RALYL: variants seen among roughly 807,000 people sequenced by gnomAD.
RALYL encodes RALY RNA binding protein like.
In RALYL, 29 loss-of-function variants were observed where a neutral mutation model predicts 35.1. The observed-to-expected ratio is 0.83, with a 90% confidence interval of 0.61 to 1.13. The LOEUF (loss-of-function observed/expected upper bound fraction) is 1.13, where lower values mean the gene tolerates loss of function less well. Ranked by LOEUF, RALYL falls within the 50% of genes most tolerant of loss-of-function variation. The pLI is 0.00. For synonymous variants in RALYL, 120 were observed against 127.6 expected (o/e 0.94, Z 0.40); for missense variants, 359 against 360.4 (o/e 1.00, Z 0.03).
intron 1 of RALYL, among the ~76,000 whole-genome samples, chr8:84,223,837 C>T (rs1205333174): frequency 2.0e-5 from 3 of 152,114 alleles, no homozygotes; most frequent in Admixed American, 2.0e-4. Flanking sequence ...TTAAAGTCAA[C>T]ATGATCAAGA....
At chr8:84,503,718 A>G (rs1164680033) in intron 1 of RALYL, among the ~76,000 whole-genome samples, 2 of 151,798 alleles carry the variant, frequency 1.3e-5, no homozygotes, top group African/African-American at 4.8e-5. Flanking sequence ...GCGTGGTGGC[A>G]GGTGCCTATA....
intron 1 of RALYL, among the ~76,000 whole-genome samples, chr8:84,468,881 C>A (rs567590348): frequency 6.6e-6 from 1 of 152,070 alleles, no homozygotes; most frequent in South Asian, 2.1e-4. Flanking sequence ...CTTCTCGCTT[C>A]ATTTCATTCA....
At chr8:84,323,936 G>GC (rs1186754021) in intron 1 of RALYL, among the ~76,000 whole-genome samples, 6 of 152,044 alleles carry the variant, frequency 3.9e-5, no homozygotes, top group African/African-American at 1.4e-4. Context: ...CGTCACTACA[G>GC]CAGTTATATA....
chr8:84,778,771 C>T (rs2634069), intron 3 of RALYL, among the ~76,000 whole-genome samples: 34,836 of 152,066 alleles, frequency 0.23, 4,228 homozygotes, highest in Non-Finnish European at 0.25. Flanking sequence ...ACCACTTAAA[C>T]ATGGTGACTG....
intron 1 of RALYL, among the ~76,000 whole-genome samples, chr8:84,195,360 A>G (rs1815000175): frequency 1.3e-5 from 2 of 152,240 alleles, no homozygotes; most frequent in South Asian, 4.1e-4. Context: ...GAATTGTTTG[A>G]ACCTGGGAGG....
At chr8:84,605,023 T>C (rs1291079174) in intron 2 of RALYL, among the ~76,000 whole-genome samples, 1 of 152,144 alleles carries the variant, frequency 6.6e-6, no homozygotes, top group African/African-American at 2.4e-5. Flanking sequence ...TCCTAAAATC[T>C]AGTTCTCCCA....
intron 1 of RALYL, among the ~76,000 whole-genome samples, chr8:84,443,045 G>A (rs1381733993): frequency 1.3e-5 from 2 of 152,090 alleles, no homozygotes; most frequent in African/African-American, 4.8e-5. Context: ...AAGCTAAGAA[G>A]GCTGTGGCCA....
At chr8:84,308,225 T>A (rs1182160479) in intron 1 of RALYL, among the ~76,000 whole-genome samples, 1 of 151,920 alleles carries the variant, frequency 6.6e-6, no homozygotes, top group Non-Finnish European at 1.5e-5. Context: ...AATAATAAAA[T>A]GTAGCCATGT....
chr8:84,763,319 G>A (rs766727133), intron 2 of RALYL, among the ~76,000 whole-genome samples: 3 of 152,116 alleles, frequency 2.0e-5, no homozygotes, highest in Non-Finnish European at 4.4e-5. Context: ...TGATGATCCC[G>A]ACTTTCTGTT....
chr8:84,270,143 G>A (rs2131927328), intron 1 of RALYL, among the ~76,000 whole-genome samples: 1 of 152,270 alleles, frequency 6.6e-6, no homozygotes, highest in South Asian at 2.1e-4. Flanking sequence ...TTACAGCCCA[G>A]TTCTTAACAA....
chr8:84,423,881 A>T (rs1306281823), intron 1 of RALYL, among the ~76,000 whole-genome samples: 1 of 149,168 alleles, frequency 6.7e-6, no homozygotes, highest in Non-Finnish European at 1.5e-5. Flanking sequence ...ATTGGCCCCC[A>T]CTCTCTTCTG....
chr8:84,566,273 CA>C (rs1428613515), intron 2 of RALYL, among the ~76,000 whole-genome samples: 1 of 151,002 alleles, frequency 6.6e-6, no homozygotes, highest in Non-Finnish European at 1.5e-5. Flanking sequence ...TATACTGGAA[CA>C]AAAAAATGAC....
intron 1 of RALYL, among the ~76,000 whole-genome samples, chr8:84,521,615 T>C (rs2058465747): frequency 6.6e-6 from 1 of 152,214 alleles, no homozygotes; most frequent in Non-Finnish European, 1.5e-5. Flanking sequence ...AGAGATAGTT[T>C]ACCACTTATT....
At chr8:84,741,428 G>T (rs1240819749) in intron 2 of RALYL, among the ~76,000 whole-genome samples, 1 of 152,066 alleles carries the variant, frequency 6.6e-6, no homozygotes, top group Non-Finnish European at 1.5e-5. Context: ...GGCCCTGGAG[G>T]TTGGGAAGTC....
intron 1 of RALYL, among the ~76,000 whole-genome samples, chr8:84,490,881 A>G (rs2055213174): frequency 6.6e-6 from 1 of 151,742 alleles, no homozygotes; most frequent in South Asian, 2.1e-4. Flanking sequence ...ATGTGATTTA[A>G]ATTTATATTC....
chr8:84,484,382 T>C (rs993154264), intron 1 of RALYL, among the ~76,000 whole-genome samples: 2 of 152,078 alleles, frequency 1.3e-5, no homozygotes, highest in Non-Finnish European at 2.9e-5. Flanking sequence ...GACAGAGATA[T>C]ATTTTAAATG....
At chr8:84,356,888 A>T (rs775761553) in intron 1 of RALYL, among the ~76,000 whole-genome samples, 3,441 of 150,238 alleles carry the variant, frequency 0.023, 189 homozygotes, top group African/African-American at 0.032. Flanking sequence ...GCAAATATAT[A>T]TATAGAATAA....
intron 1 of RALYL, among the ~76,000 whole-genome samples, chr8:84,412,249 T>C (rs1411619566): frequency 6.6e-6 from 1 of 151,948 alleles, no homozygotes; most frequent in Non-Finnish European, 1.5e-5. Context: ...TGTCAGGTTA[T>C]CAGAGGGGAT....
chr8:84,197,415 A>C (rs757930108), intron 1 of RALYL, among the ~76,000 whole-genome samples: 1 of 152,206 alleles, frequency 6.6e-6, no homozygotes, highest in Non-Finnish European at 1.5e-5. Context: ...TTTCATACAA[A>C]GAAGATAATC....
Sources: allele counts gnomAD v4.1 joint callset (sites outside exome capture counted in the v4.1 genomes callset), GRCh38; gene constraint gnomAD v4.1.1; transcripts MANE v1.5; gene names NCBI Gene and HGNC (gene_info 2026-07-23, HGNC 2026-07-21).